KCNN3: variants seen among roughly 807,000 people sequenced by gnomAD.
KCNN3 encodes potassium calcium-activated channel subfamily N member 3, also known as small conductance calcium-activated potassium channel protein 3.
In KCNN3, 16 loss-of-function variants were observed where a neutral mutation model predicts 62.9. That is an observed-to-expected ratio of 0.25 (90% CI 0.17 to 0.39). The LOEUF is 0.39. KCNN3 is among the 10% of genes least tolerant of loss of function. The pLI is 1.00. For synonymous variants in KCNN3, 370 were observed against 389.2 expected (o/e 0.95, Z 0.58); for missense variants, 599 against 949.4 (o/e 0.63, Z 4.85).
chr1:154,864,731 C>T (rs1652888189), intron 1 of KCNN3, among the ~76,000 whole-genome samples: 1 of 152,216 alleles, frequency 6.6e-6, no homozygotes, highest in Admixed American at 6.5e-5. Flanking sequence ...GTTACCCCAG[C>T]AACGAGGCCA....
intron 1 of KCNN3, among the ~76,000 whole-genome samples, chr1:154,834,716 G>A (rs1006474973): frequency 1.3e-5 from 2 of 152,118 alleles, no homozygotes; most frequent in African/African-American, 4.8e-5. Context: ...ATCCTCACAG[G>A]AAGGAACTGT....
At chr1:154,734,761 T>C (rs928676895) in intron 3 of KCNN3, among the ~76,000 whole-genome samples, 1 of 152,224 alleles carries the variant, frequency 6.6e-6, no homozygotes, top group Non-Finnish European at 1.5e-5. Context: ...GCTGGCACTT[T>C]GTACGCAAAC....
At chr1:154,852,324 C>T (rs1414148533) in intron 1 of KCNN3, among the ~76,000 whole-genome samples, 1 of 151,480 alleles carries the variant, frequency 6.6e-6, no homozygotes. Flanking sequence ...CCACCTCAAC[C>T]TCCCAAGTAG....
intron 2 of KCNN3, among the ~76,000 whole-genome samples, chr1:154,787,708 C>T (rs1649343287): frequency 6.6e-6 from 1 of 152,164 alleles, no homozygotes; most frequent in Non-Finnish European, 1.5e-5. Flanking sequence ...CTCCTTAAGT[C>T]ACACCACACC....
intron 2 of KCNN3, among the ~76,000 whole-genome samples, chr1:154,782,756 C>T (rs979932141): frequency 6.6e-6 from 1 of 152,246 alleles, no homozygotes; most frequent in South Asian, 2.1e-4. Context: ...GGGAGTCATA[C>T]ATCCATTTAG....
At chr1:154,771,093 A>T (rs1648538740) in intron 3 of KCNN3, among the ~76,000 whole-genome samples, 1 of 142,742 alleles carries the variant, frequency 7.0e-6, no homozygotes, top group Admixed American at 7.0e-5. Context: ...ATAAATAAAT[A>T]AATAAATAAA....
chr1:154,855,220 A>AATAT (rs1199145556), intron 1 of KCNN3, among the ~76,000 whole-genome samples: 1 of 151,110 alleles, frequency 6.6e-6, no homozygotes, highest in Non-Finnish European at 1.5e-5. Flanking sequence ...TCTGTCTCAA[A>AATAT]ATAAATAAAT....
intron 1 of KCNN3, among the ~76,000 whole-genome samples, chr1:154,866,621 A>C (rs1652965227): frequency 1.3e-5 from 2 of 152,244 alleles, no homozygotes; most frequent in Admixed American, 6.5e-5. Flanking sequence ...GACTCAAAAC[A>C]TGGATGGACA....
chr1:154,750,178 A>G (rs1023936579), intron 3 of KCNN3, among the ~76,000 whole-genome samples: 3 of 152,220 alleles, frequency 2.0e-5, no homozygotes, highest in East Asian at 3.9e-4. Context: ...AGCCAGTCGC[A>G]CACACTTTTC....
At chr1:154,789,431 G>T (rs903850157) in intron 2 of KCNN3, among the ~76,000 whole-genome samples, 1 of 142,654 alleles carries the variant, frequency 7.0e-6, no homozygotes, top group African/African-American at 2.9e-5. Flanking sequence ...GGTGGGGCAG[G>T]GGGGGGCATT....
intron 3 of KCNN3, among the ~76,000 whole-genome samples, chr1:154,755,839 G>A (rs201773062): frequency 0.37 from 43,378 of 118,724 alleles, 8,651 homozygotes; most frequent in East Asian, 0.58. Flanking sequence ...GAGGAGGAGG[G>A]GGAAAGAAGG....
chr1:154,790,572 C>T (rs904749866), intron 2 of KCNN3, among the ~76,000 whole-genome samples: 1 of 152,196 alleles, frequency 6.6e-6, no homozygotes, highest in Non-Finnish European at 1.5e-5. Flanking sequence ...CCCTCGTGAT[C>T]ACAGGGCTGA....
At chr1:154,833,187 C>T (rs1007445634) in intron 1 of KCNN3, among the ~76,000 whole-genome samples, 103 of 152,312 alleles carry the variant, frequency 6.8e-4, no homozygotes, top group African/African-American at 2.5e-3. Flanking sequence ...ATGGAGAAAA[C>T]CACTACTACC....
chr1:154,744,258 G>T (rs560589021), intron 3 of KCNN3, among the ~76,000 whole-genome samples: 1 of 152,018 alleles, frequency 6.6e-6, no homozygotes, highest in Non-Finnish European at 1.5e-5. Context: ...GCTCCACTTC[G>T]TCTTTCTCAC....
intron 4 of KCNN3, among the ~76,000 whole-genome samples, chr1:154,726,643 T>C (rs1288727734): frequency 6.6e-6 from 1 of 152,256 alleles, no homozygotes; most frequent in African/African-American, 2.4e-5. Context: ...TTGGGCTTTT[T>C]CACCTCAAGG....
chr1:154,761,214 G>A, intron 3 of KCNN3, among the ~76,000 whole-genome samples: 1 of 152,146 alleles, frequency 6.6e-6, no homozygotes, highest in East Asian at 1.9e-4. Context: ...AAAATCACAT[G>A]TACACCTTGG....
intron 1 of KCNN3, among the ~76,000 whole-genome samples, chr1:154,861,293 G>T (rs1044883869): frequency 6.6e-5 from 10 of 152,198 alleles, no homozygotes; most frequent in Non-Finnish European, 1.5e-4. Flanking sequence ...CCTCTAAAAG[G>T]AAGGATATCA....
chr1:154,754,986 G>A (rs1197754437), intron 3 of KCNN3, among the ~76,000 whole-genome samples: 1 of 152,154 alleles, frequency 6.6e-6, no homozygotes, highest in Non-Finnish European at 1.5e-5. Context: ...AACTTGGCAT[G>A]GTGCAGGGAT....
intron 3 of KCNN3, among the ~76,000 whole-genome samples, chr1:154,761,222 T>C (rs1351989801): frequency 6.6e-6 from 1 of 152,186 alleles, no homozygotes; most frequent in African/African-American, 2.4e-5. Context: ...ATGTACACCT[T>C]GGGAAGCTGA....
Sources: gnomAD v4.1 joint callset for allele counts (sites outside exome capture counted in the v4.1 genomes callset) on GRCh38, gnomAD v4.1.1 for gene constraint, MANE v1.5 for transcripts, NCBI Gene and HGNC (gene_info 2026-07-23, HGNC 2026-07-21) for gene names.